The following NAV2 variants were observed in gnomAD, a reference collection of about 807,000 sequenced individuals.
NAV2 encodes helicase, APC down-regulated 1.
In NAV2, 54 loss-of-function variants were observed where a neutral mutation model predicts 223.2. The observed-to-expected ratio is 0.24, with a 90% CI of 0.19 to 0.30. The LOEUF (loss-of-function observed/expected upper bound fraction) is 0.30. Among genes scored for constraint, NAV2 ranks in the 10% least tolerant of loss-of-function variants. The pLI is 1.00. For synonymous variants in NAV2, 1,279 were observed against 1,239.3 expected (o/e 1.03, Z -0.67); for missense variants, 2,806 against 3,147.5 (o/e 0.89, Z 2.60).
chr11:20,068,547 G>T, intron 22 of NAV2, 149 bp downstream of exon 22: 1 of 655,648 alleles, frequency 1.5e-6, no homozygotes, highest in Non-Finnish European at 2.7e-6. Context: ...GTGAATGTCA[G>T]TTTGGACACT....
chr11:19,913,752 C>CACACTA (rs2043520358), intron 6 of NAV2, among the ~76,000 whole-genome samples: 1 of 139,938 alleles, frequency 7.1e-6, no homozygotes, highest in African/African-American at 3.1e-5. Context: ...ATTCCTCCAT[C>CACACTA]GCAGTGCTTC....
intron 5 of NAV2, among the ~76,000 whole-genome samples, chr11:19,886,345 G>C (rs757502020): frequency 3.3e-5 from 5 of 152,184 alleles, no homozygotes; most frequent in Non-Finnish European, 7.3e-5. Flanking sequence ...CCTGGCTGGC[G>C]AGGGGAGAAA....
intron 1 of NAV2, among the ~76,000 whole-genome samples, chr11:19,526,232 A>G (rs2043838716): frequency 6.6e-6 from 1 of 152,194 alleles, no homozygotes; most frequent in South Asian, 2.1e-4. Flanking sequence ...TGAGCAGAAC[A>G]TGACTTCATT....
At chr11:20,061,253 A>T (rs1302662818) in intron 19 of NAV2, among the ~76,000 whole-genome samples, 1 of 152,318 alleles carries the variant, frequency 6.6e-6, no homozygotes, top group South Asian at 2.1e-4. Context: ...AGAAAACACT[A>T]TATTGCAAAA....
chr11:19,854,355 C>T (rs1470750334), intron 3 of NAV2, among the ~76,000 whole-genome samples: 2 of 152,160 alleles, frequency 1.3e-5, no homozygotes, highest in African/African-American at 2.4e-5. Context: ...CCAGTGTGCT[C>T]ACTTCAGAGA....
At chr11:20,070,392 C>G (rs2059324316) in intron 22 of NAV2, among the ~76,000 whole-genome samples, 1 of 152,208 alleles carries the variant, frequency 6.6e-6, no homozygotes, top group Non-Finnish European at 1.5e-5. Context: ...TAGTAGTTAA[C>G]TTACTTTCCG....
chr11:19,778,919 G>A (rs568838242), intron 1 of NAV2, among the ~76,000 whole-genome samples: 101 of 152,104 alleles, frequency 6.6e-4, no homozygotes, highest in African/African-American at 2.4e-3. Flanking sequence ...AACTGCATAG[G>A]GTCAGGTTGC....
At chr11:19,763,559 T>A (rs2054947129) in intron 1 of NAV2, among the ~76,000 whole-genome samples, 1 of 152,172 alleles carries the variant, frequency 6.6e-6, no homozygotes, top group Non-Finnish European at 1.5e-5. Flanking sequence ...GGCTGCGGAA[T>A]TAGAACATTC....
chr11:19,618,240 G>T (rs1461323749), intron 1 of NAV2, among the ~76,000 whole-genome samples: 1 of 152,012 alleles, frequency 6.6e-6, no homozygotes, highest in Non-Finnish European at 1.5e-5. Flanking sequence ...ATGGATGGAT[G>T]GATTGCTGGC....
intron 1 of NAV2, among the ~76,000 whole-genome samples, chr11:19,621,936 A>G (rs1160663896): frequency 6.6e-6 from 1 of 152,196 alleles, no homozygotes; most frequent in Non-Finnish European, 1.5e-5. Context: ...AATGTGTCCC[A>G]GGGATTCTGG....
intron 1 of NAV2, among the ~76,000 whole-genome samples, chr11:19,519,291 A>C (rs1341646644): frequency 2.0e-5 from 3 of 151,928 alleles, no homozygotes; most frequent in Non-Finnish European, 4.4e-5. Context: ...AATGATGAAC[A>C]AGGCAGGTGC....
rs75349301 is a variant in NAV2 at position 19,914,184 on chromosome 11, C to T, written c.932-18992C>T. On this transcript the variant is annotated intron_variant, in intron 6 of 37. Transcript: ENST00000349880. ...TCCAGAATCAATTGTTAGTCATTTG[C>T]CAGCCATTAAATGTGAATTGGAGAA... Among the ~76,000 whole-genome samples, 906 of 152,286 alleles carry T rather than the reference C, an allele frequency of 5.9e-3. 4 individuals carry two copies. Among genetic ancestry groups the T allele is most frequent in the Non-Finnish European group, 0.01 (690 of 68,020 alleles).
chr11:19,785,288 G>T (rs2057023068), intron 1 of NAV2, among the ~76,000 whole-genome samples: 1 of 152,200 alleles, frequency 6.6e-6, no homozygotes. Context: ...ATGGCCTGCA[G>T]CCTGTTTCAA....
At chr11:19,868,787 A>G (rs1405580103) in intron 3 of NAV2, 138 bp from the exon 4 acceptor site, 1 of 730,156 alleles carries the variant, frequency 1.4e-6, no homozygotes, top group Non-Finnish European at 2.2e-6. Flanking sequence ...GCAAGTACAG[A>G]CAAAAGAGAG....
intron 28 of NAV2, 126 bp from the exon 29 acceptor site, chr11:20,092,973 A>ACCCCCCCCCCCCCCTCCC: frequency 1.3e-5 from 1 of 75,886 alleles, no homozygotes; most frequent in Non-Finnish European, 2.9e-5. Context: ...CTCTTCCCCT[A>ACCCCCCCCCCCCCCTCCC]CCCCCCCACC....
intron 1 of NAV2, among the ~76,000 whole-genome samples, chr11:19,790,283 A>C (rs2057427813): frequency 6.6e-6 from 1 of 152,234 alleles, no homozygotes; most frequent in Non-Finnish European, 1.5e-5. Flanking sequence ...GCAAGTTTTC[A>C]AGACAGAGTT....
intron 1 of NAV2, among the ~76,000 whole-genome samples, chr11:19,800,619 T>TG (rs2058189998): frequency 6.6e-6 from 1 of 151,914 alleles, no homozygotes; most frequent in South Asian, 2.1e-4. Flanking sequence ...TGCTCCAACT[T>TG]GATAGCTTGG....
intron 1 of NAV2, among the ~76,000 whole-genome samples, chr11:19,591,922 C>A (rs1306981922): frequency 3.3e-5 from 5 of 152,148 alleles, no homozygotes; most frequent in African/African-American, 1.2e-4. Flanking sequence ...TAGACATTGG[C>A]CATTCAGCTT....
chr11:20,025,089 G>A (rs1475376937), intron 11 of NAV2, among the ~76,000 whole-genome samples: 1 of 152,140 alleles, frequency 6.6e-6, no homozygotes, highest in Non-Finnish European at 1.5e-5. Context: ...TCAGAATCAG[G>A]CAGATCTGTA....
Sources: allele counts gnomAD v4.1 joint callset (sites outside exome capture counted in the v4.1 genomes callset), GRCh38; gene constraint gnomAD v4.1.1; transcripts MANE v1.5; gene names NCBI Gene and HGNC (gene_info 2026-07-23, HGNC 2026-07-21).